Variants in GSAP observed in about 807,000 individuals in gnomAD.
The protein encoded by GSAP is gamma-secretase activating protein.
In GSAP, 118 loss-of-function variants were observed where a neutral mutation model predicts 131.7. The observed-to-expected ratio is 0.90, with a 90% confidence interval of 0.77 to 1.04. GSAP has a LOEUF of 1.04. Ranked by LOEUF, GSAP falls within the 50% of genes least tolerant of loss-of-function variation. The pLI is 0.00. For synonymous variants in GSAP, 381 were observed against 363.4 expected (o/e 1.05, Z -0.55); for missense variants, 1,019 against 1,013.2 (o/e 1.01, Z -0.08).
intron 12 of GSAP, among the ~76,000 whole-genome samples, chr7:77,372,457 T>C (rs1168381050): frequency 1.3e-5 from 2 of 152,230 alleles, no homozygotes; most frequent in African/African-American, 4.8e-5. Context: ...TATTGATTAA[T>C]GTGATTAATT....
chr7:77,349,590 A>G (rs4729343), intron 18 of GSAP, among the ~76,000 whole-genome samples, 186 bp from the exon 19 acceptor site: 86,814 of 151,982 alleles, frequency 0.57, 26,371 homozygotes, highest in African/African-American at 0.79. Flanking sequence ...GCCTCAGGAA[A>G]GGACACATTC....
At chr7:77,329,547 A>G in intron 20 of GSAP, 156 bp from the exon 21 acceptor site, 2 of 417,798 alleles carry the variant, frequency 4.8e-6, no homozygotes, top group East Asian at 3.9e-5. Context: ...AGTTTTAAGA[A>G]ATATTTTATT....
intron 12 of GSAP, among the ~76,000 whole-genome samples, chr7:77,365,029 T>C (rs1184479002): frequency 6.6e-6 from 1 of 152,174 alleles, no homozygotes; most frequent in Non-Finnish European, 1.5e-5. Flanking sequence ...GGTGCAAACA[T>C]GGCTCACTGT....
Position 77,355,636 on chromosome 7 carries a change from C to A in GSAP, c.1039G>T (p.Ala347Ser). The A allele has an allele frequency of 1.9e-6, 3 of 1,571,938 alleles. No individual in the cohort carries two copies. The highest frequency in any genetic ancestry group is 2.6e-6 in the Non-Finnish European group (3 of 1,141,746). The change falls in exon 15 of 31, where the codon GCT (alanine) becomes TCT (serine). Residue 347 changes from alanine to serine, a missense_variant. By Grantham distance (99) the Ala-to-Ser change is moderately conservative (BLOSUM62 1). Coordinates refer to ENST00000257626, the MANE Select transcript of GSAP (RefSeq NM_017439.4). ...AAGAAATGACCAGGTAAGTAAACAG[C>A]CACATAATAGTCTATAGAAGAGAAA... is the stretch of plus-strand genomic sequence containing the variant. ...ITFLNLDYYV[A>S]VYLPGHFFHL...
intron 1 of GSAP, among the ~76,000 whole-genome samples, chr7:77,406,524 C>A (rs1394475851): frequency 6.6e-6 from 1 of 152,172 alleles, no homozygotes; most frequent in Non-Finnish European, 1.5e-5. Context: ...GTAGATTAAC[C>A]ACTGTTAGGC....
chr7:77,323,968 G>A (rs992217104), intron 23 of GSAP, among the ~76,000 whole-genome samples: 6 of 152,132 alleles, frequency 3.9e-5, no homozygotes, highest in Non-Finnish European at 8.8e-5. Flanking sequence ...CCAAAGCCCC[G>A]TGAGCAACTG....
At chr7:77,359,358 GT>G (rs1295129668) in intron 14 of GSAP, among the ~76,000 whole-genome samples, 53 of 152,076 alleles carry the variant, frequency 3.5e-4, no homozygotes, top group African/African-American at 1.1e-3. Context: ...AAGATAACAA[GT>G]AAAATACTTA....
chr7:77,356,637 A>C (rs946581381), intron 14 of GSAP, among the ~76,000 whole-genome samples: 1 of 151,854 alleles, frequency 6.6e-6, no homozygotes, highest in Non-Finnish European at 1.5e-5. Flanking sequence ...TGAATCAAGA[A>C]CATTTGTACT....
At chr7:77,348,060 TC>T (rs921599266) in intron 19 of GSAP, among the ~76,000 whole-genome samples, 6 of 151,058 alleles carry the variant, frequency 4.0e-5, no homozygotes, top group African/African-American at 1.5e-4. Flanking sequence ...TACCAACCAC[TC>T]AGGAGGCTGA....
chr7:77,320,496 G>C (rs1368131841), intron 26 of GSAP, among the ~76,000 whole-genome samples: 1 of 152,084 alleles, frequency 6.6e-6, no homozygotes, highest in African/African-American at 2.4e-5. Flanking sequence ...AGCTGCATGG[G>C]GTAAGCCTAG....
At chr7:77,323,800 G>A (rs1787967459) in intron 23 of GSAP, 58 bp from the exon 24 acceptor site, 7 of 718,682 alleles carry the variant, frequency 9.7e-6, no homozygotes, top group Middle Eastern at 2.4e-4. Context: ...CCTGCAACTG[G>A]TTTGAATTAG....
intron 6 of GSAP, among the ~76,000 whole-genome samples, chr7:77,386,955 T>A (rs1000881448): frequency 1.1e-4 from 17 of 152,342 alleles, no homozygotes; most frequent in African/African-American, 1.2e-4. Flanking sequence ...TAATGAGGAA[T>A]GACTGTATCT....
chr7:77,313,289 A>G (rs200834909), intron 28 of GSAP, among the ~76,000 whole-genome samples, 199 bp downstream of exon 28: 1 of 152,092 alleles, frequency 6.6e-6, no homozygotes, highest in African/African-American at 2.4e-5. Flanking sequence ...GTGCAGAGCC[A>G]GAGAGCAAGT....
chr7:77,390,386 T>C (rs1799282764), intron 5 of GSAP, among the ~76,000 whole-genome samples: 1 of 152,176 alleles, frequency 6.6e-6, no homozygotes, highest in Non-Finnish European at 1.5e-5. Flanking sequence ...TGGTATTGCC[T>C]AGGTTTTCTT....
chr7:77,379,064 T>C (rs879573700), intron 8 of GSAP, among the ~76,000 whole-genome samples: 3 of 152,134 alleles, frequency 2.0e-5, no homozygotes, highest in South Asian at 2.1e-4. Context: ...AAGAGGAAAG[T>C]GATGCCAGAG....
intron 1 of GSAP, among the ~76,000 whole-genome samples, chr7:77,408,624 C>A (rs1583942125): frequency 6.9e-6 from 1 of 145,816 alleles, no homozygotes; most frequent in African/African-American, 2.6e-5. Context: ...TCACTTGAAC[C>A]CAGGAGGTGG....
At chr7:77,348,906 C>A (rs1792308262) in intron 19 of GSAP, among the ~76,000 whole-genome samples, 1 of 152,222 alleles carries the variant, frequency 6.6e-6, no homozygotes, top group African/African-American at 2.4e-5. Context: ...TCCTAGCCCA[C>A]ATTACTTAAT....
chr7:77,388,442 T>C (rs138911516), intron 5 of GSAP, among the ~76,000 whole-genome samples: 1 of 152,288 alleles, frequency 6.6e-6, no homozygotes, highest in East Asian at 1.9e-4. Flanking sequence ...CCCACTTACT[T>C]CTTCAGTGTC....
chr7:77,400,637 G>A (rs1439796243), intron 3 of GSAP, among the ~76,000 whole-genome samples: 1 of 152,136 alleles, frequency 6.6e-6, no homozygotes, highest in Admixed American at 6.5e-5. Flanking sequence ...ATGCTAAAGA[G>A]AAGACTTAAA....
Sources: allele counts gnomAD v4.1 joint callset (sites outside exome capture counted in the v4.1 genomes callset), GRCh38; gene constraint gnomAD v4.1.1; transcripts MANE v1.5; gene names NCBI Gene and HGNC (gene_info 2026-07-23, HGNC 2026-07-21).